SDK2: variants seen among roughly 807,000 people sequenced by gnomAD.
SDK2 encodes sidekick cell adhesion molecule 2.
Under a neutral mutation model 253.9 loss-of-function variants are expected in SDK2, and 105 were observed. The ratio of observed to expected loss-of-function variants is 0.41; its 90% CI spans 0.35 to 0.49. SDK2 has a LOEUF of 0.49. SDK2 is among the 20% of genes least tolerant of loss of function. The pLI, the probability that SDK2 is intolerant of heterozygous loss-of-function variation, is 0.06. For missense variants in SDK2, 2,608 were observed against 3,003.0 expected, an observed-to-expected ratio of 0.87 and a Z score of 3.07; for synonymous variants, 1,249 against 1,234.9, an observed-to-expected ratio of 1.01 and a Z score of -0.24.
chr17:73,429,528 G>A (rs2145604371), intron 12 of SDK2, among the ~76,000 whole-genome samples: 1 of 152,278 alleles, frequency 6.6e-6, no homozygotes, highest in East Asian at 1.9e-4. Flanking sequence ...TTTGGGGGTG[G>A]CTGTACAGAC....
chr17:73,365,870 C>T (rs2062680355), intron 37 of SDK2, among the ~76,000 whole-genome samples: 2 of 152,188 alleles, frequency 1.3e-5, no homozygotes, highest in Admixed American at 6.5e-5. Context: ...TGGCCTTCCT[C>T]TCCTCCTGGG....
At chr17:73,408,091 G>A (rs1175132334) in intron 18 of SDK2, among the ~76,000 whole-genome samples, 2 of 125,596 alleles carry the variant, frequency 1.6e-5, no homozygotes, top group African/African-American at 6.3e-5. Flanking sequence ...TGGCTCTGTC[G>A]CCTAGACTGG....
At chr17:73,613,584 G>GC (rs1567873679) in intron 1 of SDK2, among the ~76,000 whole-genome samples, 1 of 118,914 alleles carries the variant, frequency 8.4e-6, no homozygotes, top group Non-Finnish European at 1.7e-5. Flanking sequence ...CCACTGTGCG[G>GC]CCCCACCCCC....
intron 44 of SDK2, among the ~76,000 whole-genome samples, chr17:73,344,870 ACCTGCACG>A (rs2062469304): frequency 6.6e-6 from 1 of 152,068 alleles, no homozygotes; most frequent in Admixed American, 6.6e-5. Context: ...CCAGCTGCAA[ACCTGCACG>A]CTTCCCTTCT....
At chr17:73,462,093 G>A (rs2145674830) in intron 3 of SDK2, among the ~76,000 whole-genome samples, 1 of 152,234 alleles carries the variant, frequency 6.6e-6, no homozygotes, top group African/African-American at 2.4e-5. Context: ...ATGTATGGTG[G>A]GATGGATGGT....
At position 73,338,095 on chromosome 17, in the gene SDK2, A is replaced by T; in HGVS notation, c.*492T>A. 4.1e-6 allele frequency: 1 copy of T among 245,128 alleles called. No homozygotes were observed. Among genetic ancestry groups the T allele is most frequent in the South Asian group, 4.2e-5 (1 of 23,610 alleles). The allele number at this position is 245,128 out of a possible 1,614,324, so 15.2% of individuals were successfully genotyped here. A position where few individuals can be genotyped will look rare whatever the true frequency, so the allele number is the denominator to read the frequency against. On this transcript the variant is annotated 3_prime_UTR_variant, in exon 45 of 45. Transcript: ENST00000392650. This position sits in a 1 kb window ranked among gnomAD's most constrained non-coding sequence, Gnocchi z 5.0. ...GGTGCATGGAGGGAAGGAGGAGCAG[A>T]GAGAGAAGATAGGCGTGGCCTCCGG...
intron 1 of SDK2, among the ~76,000 whole-genome samples, chr17:73,634,183 C>T (rs76151537): frequency 0.017 from 2,542 of 152,290 alleles, 66 homozygotes; most frequent in African/African-American, 0.042. Flanking sequence ...GTGTCCTCCT[C>T]CTGTGCCCAC....
intron 12 of SDK2, among the ~76,000 whole-genome samples, chr17:73,428,133 C>A (rs1185453546): frequency 6.6e-6 from 1 of 152,158 alleles, no homozygotes; most frequent in African/African-American, 2.4e-5. Flanking sequence ...ATTAAAACAA[C>A]AACGAGATAT....
intron 1 of SDK2, among the ~76,000 whole-genome samples, chr17:73,544,501 G>A (rs985892620): frequency 6.6e-6 from 1 of 152,218 alleles, no homozygotes; most frequent in Admixed American, 6.5e-5. Flanking sequence ...TGGATGGATG[G>A]AAAGAAGGAA....
chr17:73,457,178 A>C (rs1031147181), intron 3 of SDK2, among the ~76,000 whole-genome samples: 4 of 151,846 alleles, frequency 2.6e-5, no homozygotes, highest in Non-Finnish European at 5.9e-5. Flanking sequence ...ACTGGCGTGG[A>C]GTGTGGGGAT....
chr17:73,529,793 C>T (rs909586976), intron 1 of SDK2, among the ~76,000 whole-genome samples: 2 of 152,214 alleles, frequency 1.3e-5, no homozygotes, highest in African/African-American at 4.8e-5. Flanking sequence ...CCCTCAGCAC[C>T]TCCAGAAGGA....
rs889382279 is a variant in SDK2, at chr17:73,472,161, C to T, written c.282G>A (p.Arg94=). 67 of 1,551,614 alleles carry T rather than the reference C, an allele frequency of 4.3e-5. No homozygotes were observed. Among genetic ancestry groups the T allele is most frequent in the Non-Finnish European group, 5.7e-5 (65 of 1,147,012 alleles). ...THAGFYRCIV[R]NRMGALLQRQ... ...GCTGCAGCAGGGCCCCCATTCGGTT[C>T]CGCACGATGCAACGGTAAAAGCCAG... The change falls in exon 3 of 45, where the codon CGG becomes CGA. Residue 94 remains arginine (R), a synonymous_variant. Coordinates refer to ENST00000392650, the MANE Select transcript of SDK2 (RefSeq NM_001144952.2).
At chr17:73,543,649 C>T (rs2044908230) in intron 1 of SDK2, among the ~76,000 whole-genome samples, 1 of 152,254 alleles carries the variant, frequency 6.6e-6, no homozygotes, top group Non-Finnish European at 1.5e-5. Flanking sequence ...CCAAGAAGAG[C>T]CACTGGCCCA....
chr17:73,473,654 C>T (rs764269352), intron 2 of SDK2, among the ~76,000 whole-genome samples: 2 of 152,196 alleles, frequency 1.3e-5, no homozygotes, highest in Non-Finnish European at 2.9e-5. Context: ...CAACAACCAC[C>T]CCTTCCGGAG....
At chr17:73,463,812 G>T (rs778459867) in intron 3 of SDK2, among the ~76,000 whole-genome samples, 19 of 152,102 alleles carry the variant, frequency 1.2e-4, no homozygotes, top group Non-Finnish European at 2.5e-4. Flanking sequence ...TTTGTTTTTG[G>T]TGCTTTGCTG....
intron 1 of SDK2, among the ~76,000 whole-genome samples, chr17:73,608,317 G>A (rs1702821): frequency 0.16 from 24,379 of 151,922 alleles, 2,764 homozygotes; most frequent in African/African-American, 0.33. Flanking sequence ...GGAGGTAAAG[G>A]GCCCTTCTCA....
chr17:73,415,098 T>C (rs532270591), intron 17 of SDK2, among the ~76,000 whole-genome samples: 1 of 152,298 alleles, frequency 6.6e-6, no homozygotes, highest in African/African-American at 2.4e-5. Flanking sequence ...CCCATATGCC[T>C]GGAGCCTCTG....
intron 36 of SDK2, among the ~76,000 whole-genome samples, chr17:73,369,819 G>C (rs2062719902): frequency 6.6e-6 from 1 of 152,084 alleles, no homozygotes. Flanking sequence ...CTAATTTTTG[G>C]ATTTTTAGTA....
At chr17:73,537,702 T>C (rs1450757529) in intron 1 of SDK2, among the ~76,000 whole-genome samples, 1 of 151,996 alleles carries the variant, frequency 6.6e-6, no homozygotes, top group Non-Finnish European at 1.5e-5. Flanking sequence ...GAGGGAGAAT[T>C]GCCTGTAAGC....
Sources: gnomAD v4.1 joint callset for allele counts (sites outside exome capture counted in the v4.1 genomes callset) on GRCh38, gnomAD v4.1.1 for gene constraint, Gnocchi (gnomAD v3.1) non-coding constraint, MANE v1.5 for transcripts, NCBI Gene and HGNC (gene_info 2026-07-23, HGNC 2026-07-21) for gene names.